CACNA2D1: variants seen among roughly 807,000 people sequenced by gnomAD.
CACNA2D1 encodes the protein voltage-dependent calcium channel subunit alpha-2/delta-1.
Under a neutral mutation model 171.5 loss-of-function variants are expected in CACNA2D1, and 53 were observed. The ratio of observed to expected loss-of-function variants is 0.31; its 90% CI spans 0.25 to 0.39. CACNA2D1 has a LOEUF of 0.39. Among genes scored for constraint, CACNA2D1 ranks in the 10% least tolerant of loss-of-function variants. CACNA2D1 has a pLI of 1.00. For missense variants in CACNA2D1, 903 were observed against 1,299.8 expected (o/e 0.69, Z 4.69); for synonymous variants, 442 against 443.1 (o/e 1.00, Z 0.03).
chr7:82,129,911 T>C (rs1255420827), intron 5 of CACNA2D1, among the ~76,000 whole-genome samples: 1 of 152,150 alleles, frequency 6.6e-6, no homozygotes, highest in African/African-American at 2.4e-5. Context: ...TGGTCAACAA[T>C]AGGGCAAGCG....
chr7:82,147,796 C>T (rs28469871), intron 4 of CACNA2D1, among the ~76,000 whole-genome samples: 30,684 of 152,062 alleles, frequency 0.2, 3,342 homozygotes, highest in East Asian at 0.38. Flanking sequence ...TTAAAATAAT[C>T]TGTTCAAAAT....
At chr7:81,986,182 G>T (rs1049538135) in intron 21 of CACNA2D1, among the ~76,000 whole-genome samples, 1 of 152,180 alleles carries the variant, frequency 6.6e-6, no homozygotes, top group East Asian at 1.9e-4. Context: ...TGTGAACAGT[G>T]GGTTTACCTC....
At chr7:82,414,059 G>C (rs1827938690) in intron 1 of CACNA2D1, among the ~76,000 whole-genome samples, 1 of 152,108 alleles carries the variant, frequency 6.6e-6, no homozygotes, top group Non-Finnish European at 1.5e-5. Flanking sequence ...AATTACTGGT[G>C]TCTGCACTTC....
chr7:81,999,439 A>T (rs1798369329), intron 18 of CACNA2D1, among the ~76,000 whole-genome samples: 1 of 152,174 alleles, frequency 6.6e-6, no homozygotes, highest in Non-Finnish European at 1.5e-5. Context: ...TTGGTTATCA[A>T]TGGAAATAAA....
chr7:82,283,256 T>C (rs1020546952), intron 3 of CACNA2D1, among the ~76,000 whole-genome samples: 2 of 152,218 alleles, frequency 1.3e-5, no homozygotes, highest in Admixed American at 6.5e-5. Flanking sequence ...TCTCAAATTG[T>C]TGTTTTATGA....
At chr7:82,107,549 A>T (rs77450603) in intron 6 of CACNA2D1, among the ~76,000 whole-genome samples, 11,293 of 149,750 alleles carry the variant, frequency 0.075, 574 homozygotes, top group South Asian at 0.15. Flanking sequence ...TAACACTAAC[A>T]CAAATTTGGA....
chr7:81,985,353 C>T (rs1298852045), intron 21 of CACNA2D1, among the ~76,000 whole-genome samples: 1 of 151,932 alleles, frequency 6.6e-6, no homozygotes, highest in Admixed American at 6.6e-5. Context: ...AGGCACATGC[C>T]ACCACGCCCA....
chr7:82,433,780 G>A (rs1426757169), intron 1 of CACNA2D1, among the ~76,000 whole-genome samples: 1 of 152,018 alleles, frequency 6.6e-6, no homozygotes, highest in Non-Finnish European at 1.5e-5. Context: ...TCTGAGAATC[G>A]GCTCTTCCCC....
At chr7:81,967,501 G>A in intron 30 of CACNA2D1, 95 bp downstream of exon 30, 2 of 706,982 alleles carry the variant, frequency 2.8e-6, no homozygotes, top group Non-Finnish European at 5.0e-6. Context: ...GTGGTATTGA[G>A]AATGTATTTG....
chr7:82,441,239 A>C (rs967415527), intron 1 of CACNA2D1, among the ~76,000 whole-genome samples: 2 of 152,072 alleles, frequency 1.3e-5, no homozygotes, highest in African/African-American at 4.8e-5. Context: ...ACAAATGTCA[A>C]CCATCAGTTC....
chr7:82,088,948 C>T (rs185697232), intron 6 of CACNA2D1, among the ~76,000 whole-genome samples: 15 of 151,738 alleles, frequency 9.9e-5, no homozygotes, highest in Non-Finnish European at 1.6e-4. Flanking sequence ...GCACATGTGC[C>T]GTTCACAACA....
At chr7:82,388,667 T>C (rs752104404) in intron 1 of CACNA2D1, among the ~76,000 whole-genome samples, 2 of 152,184 alleles carry the variant, frequency 1.3e-5, no homozygotes, top group Non-Finnish European at 1.5e-5. Flanking sequence ...TTAAAGTTTA[T>C]ATGAGGTCCT....
chr7:82,438,875 T>C (rs953530081), intron 1 of CACNA2D1, among the ~76,000 whole-genome samples: 1 of 152,238 alleles, frequency 6.6e-6, no homozygotes, highest in Non-Finnish European at 1.5e-5. Context: ...GTTGTCATTT[T>C]AATAACAATA....
chr7:82,225,069 T>TA (rs763257347), intron 3 of CACNA2D1, among the ~76,000 whole-genome samples: 6 of 152,204 alleles, frequency 3.9e-5, no homozygotes, highest in Non-Finnish European at 8.8e-5. Flanking sequence ...GTGATCTTAC[T>TA]ACTTTGTTGA....
At chr7:81,954,467 G>A (rs991040488) in intron 38 of CACNA2D1, among the ~76,000 whole-genome samples, 1 of 151,704 alleles carries the variant, frequency 6.6e-6, no homozygotes, top group Non-Finnish European at 1.5e-5. Context: ...AATTCATATG[G>A]TTTTTGCCCC....
At chr7:82,040,088 G>C (rs1387177839) in intron 10 of CACNA2D1, among the ~76,000 whole-genome samples, 3 of 152,146 alleles carry the variant, frequency 2.0e-5, no homozygotes, top group African/African-American at 4.8e-5. Flanking sequence ...GTAATCAGAA[G>C]GCTTTGCAGT....
In CACNA2D1 at chr7:81,959,149, T is replaced by A. The variant is rs984953608; in HGVS notation, c.3159+126A>T. 7 of 725,282 alleles carry A rather than the reference T, an allele frequency of 9.7e-6. No homozygotes were observed. In the African/African-American group the frequency reaches 1.2e-4, roughly 13 times the overall value. The allele number at this position is 725,282 out of a possible 1,614,324, so 44.9% of individuals were successfully genotyped here. On this transcript the variant is annotated intron_variant, in intron 38 of 38. Coordinates refer to ENST00000356860, the MANE Select transcript of CACNA2D1 (RefSeq NM_000722.4). Reference sequence around the variant, plus strand: ...AAAAAATCTACCAGCAAGTATGTCATGTTAATGAGAAAAACTATGGTTAAG... The same window carrying A: ...AAAAAATCTACCAGCAAGTATGTCAAGTTAATGAGAAAAACTATGGTTAAG...
chr7:82,420,172 G>C (rs1828586236), intron 1 of CACNA2D1, among the ~76,000 whole-genome samples: 1 of 152,204 alleles, frequency 6.6e-6, no homozygotes, highest in Non-Finnish European at 1.5e-5. Context: ...GACATTAATA[G>C]TTATGTTCAG....
At chr7:82,202,277 T>C (rs964611946) in intron 3 of CACNA2D1, among the ~76,000 whole-genome samples, 1 of 152,166 alleles carries the variant, frequency 6.6e-6, no homozygotes, top group Non-Finnish European at 1.5e-5. Flanking sequence ...TTCCCTACGA[T>C]TCCTCAAGTG....
Sources: gnomAD v4.1 joint callset for allele counts (sites outside exome capture counted in the v4.1 genomes callset) on GRCh38, gnomAD v4.1.1 for gene constraint, MANE v1.5 for transcripts, NCBI Gene and HGNC (gene_info 2026-07-23, HGNC 2026-07-21) for gene names.